Variants in C6orf141 observed in about 807,000 individuals in gnomAD.
The protein encoded by C6orf141 is uncharacterized protein C6orf141.
For synonymous variants in C6orf141, 164 were observed against 140.5 expected (o/e 1.17, Z -1.18); for missense variants, 361 against 335.8 (o/e 1.07, Z -0.59).
At chr6:49,554,518 C>G (rs1771386025), downstream of C6orf141, among the ~76,000 whole-genome samples, 1 of 149,858 alleles carries the variant, frequency 6.7e-6, no homozygotes, top group Admixed American at 6.8e-5. Flanking sequence ...GTAGCTGGGA[C>G]TACATGCGCC....
chr6:49,561,795 C>A (rs1175139253), exon 5 of C6orf141: 1 of 151,900 alleles, frequency 6.6e-6, no homozygotes, highest in Non-Finnish European at 1.5e-5. Context: ...AGTGATCCTC[C>A]CACCTCAGCC....
Position 49,561,095 on chromosome 6 carries a change from A to T in C6orf141, c.*764-609A>T, listed in dbSNP as rs9395507. On this transcript the variant is annotated intron_variant and NMD_transcript_variant, in intron 4 of 4. Transcript: ENST00000371194. ...AACTCAACTAAATGCATTCATTGTG[A>T]GAGTAATTTTTTTTTTTTTTGAGAC... Among the ~76,000 whole-genome samples the T allele has an allele frequency of 3.9e-4, 47 of 120,574 alleles. No individual in the cohort carries two copies. The East Asian group carries it at 0.013, about 33-fold the overall frequency. The allele number at this position is 120,574 out of a possible 152,430, so 79.1% of individuals were successfully genotyped here. A position where few individuals can be genotyped will look rare whatever the true frequency, so the allele number is the denominator to read the frequency against.
Position 49,551,658 on chromosome 6 carries a change from G to A in C6orf141, c.*131G>A, listed in dbSNP as rs538852238. On this transcript the variant is annotated 3_prime_UTR_variant, in exon 1 of 1. Transcript: ENST00000529246. ...TTGAGAGGCTGGTGCAGCGCTTCGG[G>A]GAGGCAGATTAAGAACTGTAAGCAG... 17 of 1,471,794 alleles carry A rather than the reference G, an allele frequency of 1.2e-5. No homozygotes were observed. The East Asian group carries it at 3.7e-4, about 32-fold the overall frequency. 91.2% of individuals were successfully genotyped at this position (1,471,794 alleles called of 1,614,324 possible). A position where few individuals can be genotyped will look rare whatever the true frequency, so the allele number is the denominator to read the frequency against.
At chr6:49,556,133 C>G (rs1478047585), downstream of C6orf141, among the ~76,000 whole-genome samples, 1 of 152,280 alleles carries the variant, frequency 6.6e-6, no homozygotes, top group East Asian at 1.9e-4. Context: ...ATCTCAGGCC[C>G]CATTCCAGAT....
intron 4 of C6orf141, among the ~76,000 whole-genome samples, chr6:49,557,996 AT>A (rs1329646818): frequency 7.0e-6 from 1 of 143,884 alleles, no homozygotes; most frequent in Non-Finnish European, 1.5e-5. Context: ...GGTTCAAGTG[AT>A]TTTCCTGCCT....
In C6orf141 at chr6:49,550,914, C is replaced by G. The variant is rs879664416; in HGVS notation, c.122C>G (p.Pro41Arg). 336 of 1,540,950 alleles carry G rather than the reference C, an allele frequency of 2.2e-4. No individual in the cohort carries two copies. The highest frequency in any genetic ancestry group is 2.7e-4 in the Non-Finnish European group (305 of 1,143,936). The change falls in exon 1 of 1, where the codon CCG becomes CGG. Residue 41 changes from proline (P) to arginine (R), a missense_variant. By Grantham distance (103) the Pro-to-Arg change is moderately radical. Transcript: ENST00000529246. ...CCGCGGGAGGTAGGGCGCGGGGCTC[C>G]GCTAGCTCCGGGCGCCCGGAATCCC... Reference protein sequence around the residue: ...PFPREVGRGAPLAPGARNPAT... With the variant: ...PFPREVGRGARLAPGARNPAT...
chr6:49,557,338 C>A (rs545102302), intron 4 of C6orf141, among the ~76,000 whole-genome samples: 1 of 152,070 alleles, frequency 6.6e-6, no homozygotes, highest in Non-Finnish European at 1.5e-5. Flanking sequence ...CAAACAGAGG[C>A]TGTGTTTGCA....
At chr6:49,557,523 G>A (rs1285122210) in intron 4 of C6orf141, among the ~76,000 whole-genome samples, 3 of 152,144 alleles carry the variant, frequency 2.0e-5, no homozygotes, top group East Asian at 1.9e-4. Context: ...TTTTCTTAGA[G>A]CATTTACTTT....
At chr6:49,555,895 C>T (rs1771832250), downstream of C6orf141, among the ~76,000 whole-genome samples, 1 of 152,206 alleles carries the variant, frequency 6.6e-6, no homozygotes, top group Non-Finnish European at 1.5e-5. Context: ...CATCAGCCAC[C>T]ATGCCTGGCC....
chr6:49,553,881 G>C (rs963713700), downstream of C6orf141, among the ~76,000 whole-genome samples: 1 of 151,894 alleles, frequency 6.6e-6, no homozygotes, highest in African/African-American at 2.4e-5. Context: ...TTATTAGCAC[G>C]GTTATTGTTT....
At chr6:49,558,198 C>T (rs922739547) in intron 4 of C6orf141, among the ~76,000 whole-genome samples, 9 of 151,706 alleles carry the variant, frequency 5.9e-5, no homozygotes, top group East Asian at 1.9e-4. Context: ...CCACCATGCC[C>T]GGCCTCTAAT....
downstream of C6orf141, among the ~76,000 whole-genome samples, chr6:49,554,176 A>G (rs568027931): frequency 6.6e-6 from 1 of 152,324 alleles, no homozygotes; most frequent in Admixed American, 6.5e-5. Flanking sequence ...AAAAGAGTTT[A>G]CATACCTCCT....
At chr6:49,553,962 A>C (rs973722175), downstream of C6orf141, among the ~76,000 whole-genome samples, 1 of 152,232 alleles carries the variant, frequency 6.6e-6, no homozygotes, top group African/African-American at 2.4e-5. Flanking sequence ...GTATAACACA[A>C]GAAAGCTAAT....
rs746447848 is a variant in C6orf141 at position 49,550,978 on chromosome 6, C to A, written c.186C>A (p.His62Gln). The change falls in exon 1 of 1, where the codon CAC (histidine) becomes CAA (glutamine). Residue 62 changes from histidine (H) to glutamine (Q), a missense_variant. His to Gln is a conservative substitution (Grantham distance 24, BLOSUM62 0). Coordinates refer to ENST00000529246, the MANE Select transcript of C6orf141 (RefSeq NM_001145652.2). ...AGASRSQGGG[H>Q]EDRTADRALG... ...CGAGCCGAAGCCAGGGCGGCGGCCA[C>A]GAGGACAGAACGGCAGATCGGGCCC... 9.0e-6 allele frequency: 14 copies of A among 1,550,622 alleles called. No homozygotes were observed. Among genetic ancestry groups the A allele is most frequent in the African/African-American group, 1.4e-5 (1 of 72,964 alleles).
intron 4 of C6orf141, among the ~76,000 whole-genome samples, chr6:49,558,064 T>TTTTTTTTGTTTTTTTTTTTTTTTG (rs1561996194): frequency 6.3e-5 from 8 of 126,084 alleles, no homozygotes; most frequent in African/African-American, 2.1e-4. Context: ...AATATGTTTT[T>TTTTTTTTGTTTTTTTTTTTTTTTG]TTTTTTTTTT....
chr6:49,558,864 T>G (rs945659814), intron 4 of C6orf141, among the ~76,000 whole-genome samples: 2 of 151,716 alleles, frequency 1.3e-5, no homozygotes, highest in African/African-American at 4.8e-5. Context: ...CCCGCCACCA[T>G]GCCTGGCTAA....
Position 49,551,729 on chromosome 6 carries a change from C to A in C6orf141, c.*202C>A. The A allele has an allele frequency of 7.0e-7, 1 of 1,420,362 alleles. No homozygotes were observed. Among genetic ancestry groups the A allele is most frequent in the South Asian group, 1.7e-5 (1 of 59,918 alleles). 88.0% of individuals were successfully genotyped at this position (1,420,362 alleles called of 1,614,324 possible). A position where few individuals can be genotyped will look rare whatever the true frequency, so the allele number is the denominator to read the frequency against. ...TTGAATTCCTTCGCTGTCTGGGGAC[C>A]TAAGTCATTCAGAAGAGGTGGAGAA... is the stretch of plus-strand genomic sequence containing the variant. On this transcript the variant is annotated 3_prime_UTR_variant, in exon 1 of 1. Transcript: ENST00000529246.
downstream of C6orf141, among the ~76,000 whole-genome samples, chr6:49,556,735 A>C (rs994195501): frequency 6.6e-6 from 1 of 152,178 alleles, no homozygotes; most frequent in Non-Finnish European, 1.5e-5. Context: ...GAACACCATG[A>C]CATCTCTATA....
downstream of C6orf141, chr6:49,552,102 G>A: frequency 3.9e-6 from 1 of 254,802 alleles, no homozygotes; most frequent in Non-Finnish European, 6.6e-6. Context: ...AGAAGGAGTT[G>A]GGGACAGAAG....
Sources: gnomAD v4.1 joint callset for allele counts (sites outside exome capture counted in the v4.1 genomes callset) on GRCh38, gnomAD v4.1.1 for gene constraint, MANE v1.5 for transcripts, NCBI Gene and HGNC (gene_info 2026-07-23, HGNC 2026-07-21) for gene names.